CDCP1: variants seen among roughly 807,000 people sequenced by gnomAD.
The protein encoded by CDCP1 is CUB domain-containing protein 1.
Under a neutral mutation model 60.2 loss-of-function variants are expected in CDCP1, and 29 were observed. The ratio of observed to expected loss-of-function variants is 0.48; its 90% CI spans 0.36 to 0.66. The LOEUF is 0.66. Ranked by LOEUF, CDCP1 falls within the 30% of genes least tolerant of loss-of-function variation. The pLI, the probability that CDCP1 is intolerant of heterozygous loss-of-function variation, is 0.00. For missense variants in CDCP1, 876 were observed against 1,074.3 expected (o/e 0.82, Z 2.58); for synonymous variants, 387 against 431.1 (o/e 0.90, Z 1.27).
intron 8 of CDCP1, among the ~76,000 whole-genome samples, chr3:45,087,165 A>G (rs1036438181): frequency 6.6e-6 from 1 of 152,058 alleles, no homozygotes; most frequent in Non-Finnish European, 1.5e-5. Context: ...CTCACTCATC[A>G]TTGTCCCCAG....
chr3:45,139,817 A>T (rs1273465427), intron 1 of CDCP1, among the ~76,000 whole-genome samples: 1 of 152,056 alleles, frequency 6.6e-6, no homozygotes, highest in East Asian at 1.9e-4. Context: ...CTTGGTGTGT[A>T]CCTCTCCACT....
intron 1 of CDCP1, among the ~76,000 whole-genome samples, chr3:45,145,978 G>T (rs1437716139): frequency 1.3e-5 from 2 of 152,000 alleles, no homozygotes; most frequent in Non-Finnish European, 2.9e-5. Context: ...CGAGGGCAAG[G>T]TTGACTCCAG....
At chr3:45,130,124 CT>C (rs11351394) in intron 1 of CDCP1, among the ~76,000 whole-genome samples, 16,505 of 144,370 alleles carry the variant, frequency 0.11, 985 homozygotes, top group Non-Finnish European at 0.16. Context: ...AATAAAACAA[CT>C]TTTTTTTTTT....
intron 1 of CDCP1, among the ~76,000 whole-genome samples, chr3:45,125,884 T>A (rs778064714): frequency 8.5e-5 from 13 of 152,214 alleles, no homozygotes; most frequent in Non-Finnish European, 1.6e-4. Context: ...CTTCTACATG[T>A]TGACTCATGT....
At chr3:45,108,632 G>C (rs888004593) in intron 4 of CDCP1, among the ~76,000 whole-genome samples, 3 of 150,232 alleles carry the variant, frequency 2.0e-5, no homozygotes, top group Non-Finnish European at 4.4e-5. Context: ...TTGTACAGTT[G>C]TGACAGTGGA....
intron 4 of CDCP1, among the ~76,000 whole-genome samples, chr3:45,103,502 G>T (rs1020514375): frequency 6.6e-6 from 1 of 152,132 alleles, no homozygotes. Context: ...AAATACCTAG[G>T]TCTCATAGGT....
At chr3:45,102,496 C>T (rs1312784853) in intron 4 of CDCP1, among the ~76,000 whole-genome samples, 1 of 151,812 alleles carries the variant, frequency 6.6e-6, no homozygotes, top group Non-Finnish European at 1.5e-5. Context: ...CGATATATAT[C>T]TTCCCTTGGT....
intron 1 of CDCP1, among the ~76,000 whole-genome samples, chr3:45,132,234 CAA>C (rs10716215): frequency 7.4e-4 from 93 of 126,346 alleles, no homozygotes; most frequent in Non-Finnish European, 6.0e-4. Flanking sequence ...GACTCCGTCT[CAA>C]AAAAAAAAAA....
intron 1 of CDCP1, among the ~76,000 whole-genome samples, chr3:45,126,108 C>CTCTTTCTTTCCTT (rs1553610966): frequency 1.8e-5 from 2 of 110,082 alleles, no homozygotes; most frequent in African/African-American, 7.4e-5. Flanking sequence ...TTGTCTCTCT[C>CTCTTTCTTTCCTT]TCTTTCTTTC....
intron 1 of CDCP1, among the ~76,000 whole-genome samples, chr3:45,123,677 G>A (rs567674181): frequency 3.3e-5 from 5 of 152,218 alleles, no homozygotes; most frequent in South Asian, 2.1e-4. Context: ...CATTTATTTC[G>A]CTGCAATAAA....
chr3:45,088,337 T>G (rs1698235262), intron 8 of CDCP1, among the ~76,000 whole-genome samples: 1 of 151,498 alleles, frequency 6.6e-6, no homozygotes, highest in African/African-American at 2.4e-5. Context: ...ACAAAAAAAA[T>G]TAGCTGGGCG....
At chr3:45,090,908 A>G (rs1029628175) in intron 7 of CDCP1, among the ~76,000 whole-genome samples, 8 of 152,206 alleles carry the variant, frequency 5.3e-5, no homozygotes, top group African/African-American at 1.9e-4. Context: ...TGCAGCTGCC[A>G]GTAGGTGCAT....
At chr3:45,131,255 TA>T (rs1339134829) in intron 1 of CDCP1, among the ~76,000 whole-genome samples, 3 of 151,976 alleles carry the variant, frequency 2.0e-5, no homozygotes, top group Non-Finnish European at 2.9e-5. Context: ...CACCTATAAA[TA>T]AACCCTGCAA....
chr3:45,119,788 T>C (rs1442817481), intron 1 of CDCP1, among the ~76,000 whole-genome samples: 3 of 152,240 alleles, frequency 2.0e-5, no homozygotes, highest in African/African-American at 7.2e-5. Context: ...TATACACTCA[T>C]GTGACCACCA....
chr3:45,090,910 T>C (rs6794122), intron 7 of CDCP1, among the ~76,000 whole-genome samples: 53,132 of 152,006 alleles, frequency 0.35, 9,522 homozygotes, highest in Middle Eastern at 0.48. Flanking sequence ...CAGCTGCCAG[T>C]AGGTGCATGA....
At chr3:45,113,647 T>A (rs1226559085) in intron 2 of CDCP1, among the ~76,000 whole-genome samples, 1 of 152,194 alleles carries the variant, frequency 6.6e-6, no homozygotes, top group Non-Finnish European at 1.5e-5. Flanking sequence ...GCAAAGCAGC[T>A]GTGGATCCAG....
chr3:45,124,085 TG>T (rs1698933107), intron 1 of CDCP1, among the ~76,000 whole-genome samples: 1 of 152,176 alleles, frequency 6.6e-6, no homozygotes, highest in African/African-American at 2.4e-5. Context: ...CAGGCAGGGT[TG>T]GGGGAAGAAT....
At chr3:45,115,722 A>C (rs976186175) in intron 2 of CDCP1, among the ~76,000 whole-genome samples, 2 of 151,650 alleles carry the variant, frequency 1.3e-5, no homozygotes, top group Non-Finnish European at 2.9e-5. Flanking sequence ...AAATTTTTTT[A>C]AGACAAATTC....
At chr3:45,121,777 T>A (rs1250769386) in intron 1 of CDCP1, among the ~76,000 whole-genome samples, 1 of 152,230 alleles carries the variant, frequency 6.6e-6, no homozygotes, top group Non-Finnish European at 1.5e-5. Flanking sequence ...TGTATACAAA[T>A]GCCAAAATTC....
Sources: gnomAD v4.1 joint callset for allele counts (sites outside exome capture counted in the v4.1 genomes callset) on GRCh38, gnomAD v4.1.1 for gene constraint, MANE v1.5 for transcripts, NCBI Gene and HGNC (gene_info 2026-07-23, HGNC 2026-07-21) for gene names.